MYO10: variants seen among roughly 807,000 people sequenced by gnomAD.
MYO10 encodes the protein myosin X, also known as unconventional myosin-X.
MYO10 carries 133 observed loss-of-function variants against 257.3 expected under a neutral mutation model. The observed-to-expected ratio is 0.52, with a 90% CI of 0.45 to 0.60. MYO10 has a LOEUF of 0.60. Among genes scored for constraint, MYO10 ranks in the 20% least tolerant of loss-of-function variants. The pLI is 0.00. For synonymous variants in MYO10, 1,104 were observed against 1,028.6 expected, an observed-to-expected ratio of 1.07 and a Z score of -1.40; for missense variants, 2,399 against 2,635.7, an observed-to-expected ratio of 0.91 and a Z score of 1.97.
intron 19 of MYO10, among the ~76,000 whole-genome samples, chr5:16,733,003 G>A (rs977716202): frequency 6.6e-6 from 1 of 152,056 alleles, no homozygotes; most frequent in Non-Finnish European, 1.5e-5. Flanking sequence ...GCATGGTAGC[G>A]GGTGCCTGTA....
In MYO10 at chr5:16,777,838, A is replaced by ACTATT. The variant is rs1560979463; in HGVS notation, c.930+1706_930+1707insAATAG. On this transcript the variant is annotated intron_variant, in intron 9 of 40. Coordinates refer to ENST00000513610, the MANE Select transcript of MYO10 (RefSeq NM_012334.3). ...CGCCACCCTAGGTGCATTGCATCTA[A>ACTATT]CTTTTTTTTTTTTTTTTTTTTTTTT... Among the ~76,000 whole-genome samples, 93 of 94,958 alleles carry ACTATT rather than the reference A, an allele frequency of 9.8e-4. 1 individual carries two copies. Among genetic ancestry groups the ACTATT allele is most frequent in the African/African-American group, 5.0e-3 (92 of 18,316 alleles). 62.3% of individuals were successfully genotyped at this position (94,958 alleles called of 152,430 possible).
chr5:16,808,344 G>A (rs528892996), intron 3 of MYO10, among the ~76,000 whole-genome samples: 13 of 152,156 alleles, frequency 8.5e-5, no homozygotes, highest in South Asian at 4.2e-4. Flanking sequence ...GTGGTGGCAC[G>A]CACCCATAGT....
At chr5:16,819,716 C>T (rs1742741161) in intron 2 of MYO10, among the ~76,000 whole-genome samples, 1 of 152,182 alleles carries the variant, frequency 6.6e-6, no homozygotes, top group Admixed American at 6.5e-5. Flanking sequence ...TGGCTGCCTA[C>T]ATGGCAACAA....
chr5:16,681,265 C>T (rs1376496477), intron 32 of MYO10, 44 bp downstream of exon 32: 2 of 1,563,364 alleles, frequency 1.3e-6, no homozygotes, highest in Non-Finnish European at 1.7e-6. Context: ...CAAGCCCAGA[C>T]TTTAAGATTT....
chr5:16,898,695 C>A (rs564729712), intron 1 of MYO10, among the ~76,000 whole-genome samples: 2 of 151,800 alleles, frequency 1.3e-5, no homozygotes, highest in African/African-American at 4.8e-5. Flanking sequence ...AGGTGTGAGC[C>A]ACCATGCCTG....
chr5:16,807,631 G>GC (rs1391411434), intron 3 of MYO10, among the ~76,000 whole-genome samples: 1 of 151,900 alleles, frequency 6.6e-6, no homozygotes, highest in Non-Finnish European at 1.5e-5. Flanking sequence ...CTTTGTTCTG[G>GC]CATCTAGAAT....
chr5:16,732,211 C>G (rs984720790), intron 19 of MYO10, among the ~76,000 whole-genome samples: 1 of 151,900 alleles, frequency 6.6e-6, no homozygotes, highest in Non-Finnish European at 1.5e-5. Context: ...CAGAAAAACC[C>G]AAAGAAACAA....
At chr5:16,802,140 T>C (rs1048495141) in intron 3 of MYO10, among the ~76,000 whole-genome samples, 2 of 152,004 alleles carry the variant, frequency 1.3e-5, no homozygotes, top group Non-Finnish European at 2.9e-5. Context: ...AATAATCAAA[T>C]TGACAGAAAG....
chr5:16,881,127 G>C (rs1196900294), intron 1 of MYO10, among the ~76,000 whole-genome samples: 1 of 152,188 alleles, frequency 6.6e-6, no homozygotes, highest in Non-Finnish European at 1.5e-5. Context: ...AAAGCTTTCT[G>C]TGTATTGTGA....
chr5:16,763,385 A>T (rs1438129330), intron 14 of MYO10, 96 bp downstream of exon 14: 1 of 910,776 alleles, frequency 1.1e-6, no homozygotes, highest in Non-Finnish European at 1.8e-6. Context: ...CACATCGTTG[A>T]TGTGCGTGTT....
intron 1 of MYO10, among the ~76,000 whole-genome samples, chr5:16,886,398 C>T (rs577928362): frequency 6.6e-6 from 1 of 152,152 alleles, no homozygotes; most frequent in African/African-American, 2.4e-5. Context: ...ACAACTGTCC[C>T]GTGCCCATCA....
At chr5:16,693,563 G>A (rs1737603955) in intron 27 of MYO10, among the ~76,000 whole-genome samples, 1 of 152,216 alleles carries the variant, frequency 6.6e-6, no homozygotes, top group African/African-American at 2.4e-5. Flanking sequence ...TGCGGATGCT[G>A]GCTGATTAGA....
Position 16,666,646 on chromosome 5 carries a change from G to A in MYO10, c.*46C>T, listed in dbSNP as rs769616724. The A allele has an allele frequency of 1.3e-6, 2 of 1,495,696 alleles. No individual in the cohort carries two copies. The highest frequency in any genetic ancestry group is 2.4e-5 in the South Asian group (2 of 83,048). The allele number at this position is 1,495,696 out of a possible 1,614,324, so 92.7% of individuals were successfully genotyped here. On this transcript the variant is annotated 3_prime_UTR_variant, in exon 41 of 41. Transcript: ENST00000513610. Reference sequence around the variant, plus strand: ...CACACTGGAGCCAGCCTAGGCCAGAGGGTGGTGCGTTCAGGTAGCAAAGAC... The same window carrying A: ...CACACTGGAGCCAGCCTAGGCCAGAAGGTGGTGCGTTCAGGTAGCAAAGAC...
chr5:16,804,458 T>C (rs768483352), intron 3 of MYO10, among the ~76,000 whole-genome samples: 1 of 152,226 alleles, frequency 6.6e-6, no homozygotes, highest in Non-Finnish European at 1.5e-5. Context: ...CTTCACTTAC[T>C]ACTGGGTTTT....
chr5:16,665,398 G>A lies in MYO10; in HGVS notation c.*1294C>T, dbSNP rs1043845129. The A allele has an allele frequency of 6.6e-6, 1 of 152,036 alleles. No individual in the cohort carries two copies. Among genetic ancestry groups the A allele is most frequent in the African/African-American group, 2.4e-5 (1 of 41,406 alleles). 9.4% of individuals were successfully genotyped at this position (152,036 alleles called of 1,614,324 possible). ...ACAAGGCAAATTTCTTTTTTCGTGT[G>A]GGTAGACTTAGTTGGCCCAAGTCCT... is the stretch of plus-strand genomic sequence containing the variant. On this transcript the variant is annotated 3_prime_UTR_variant, in exon 41 of 41. Coordinates refer to ENST00000513610, the MANE Select transcript of MYO10 (RefSeq NM_012334.3).
At chr5:16,729,724 G>A (rs367547085) in intron 19 of MYO10, among the ~76,000 whole-genome samples, 6 of 152,234 alleles carry the variant, frequency 3.9e-5, no homozygotes, top group South Asian at 2.1e-4. Context: ...GATCACAGGC[G>A]TGAGCCACCG....
chr5:16,884,203 C>T (rs1744834358), intron 1 of MYO10, among the ~76,000 whole-genome samples: 1 of 152,152 alleles, frequency 6.6e-6, no homozygotes, highest in Non-Finnish European at 1.5e-5. Context: ...CCAGCCTGGG[C>T]ATCCTGGAGA....
intron 4 of MYO10, among the ~76,000 whole-genome samples, chr5:16,793,765 A>G (rs1343384934): frequency 2.0e-5 from 3 of 152,096 alleles, no homozygotes; most frequent in Non-Finnish European, 4.4e-5. Flanking sequence ...CTCCGTCTCT[A>G]CTAAAAATGC....
chr5:16,904,422 C>A (rs1745465390), intron 1 of MYO10, among the ~76,000 whole-genome samples: 1 of 152,204 alleles, frequency 6.6e-6, no homozygotes, highest in Admixed American at 6.5e-5. Context: ...GGCTGCTGAT[C>A]AGAAGCACAG....
Sources: allele counts gnomAD v4.1 joint callset (sites outside exome capture counted in the v4.1 genomes callset), GRCh38; gene constraint gnomAD v4.1.1; transcripts MANE v1.5; gene names NCBI Gene and HGNC (gene_info 2026-07-23, HGNC 2026-07-21).